EXD3: variants seen among roughly 807,000 people sequenced by gnomAD.
EXD3 encodes the protein exonuclease mut-7 homolog.
In EXD3, 92 loss-of-function variants were observed where a neutral mutation model predicts 98.0. That is an observed-to-expected ratio of 0.94 (90% CI 0.79 to 1.12). The LOEUF is 1.12. Ranked by LOEUF, EXD3 falls within the 50% of genes most tolerant of loss-of-function variation. EXD3 has a pLI of 0.00. For synonymous variants in EXD3, 569 were observed against 526.0 expected (o/e 1.08, Z -1.12); for missense variants, 1,222 against 1,191.6 (o/e 1.03, Z -0.38).
rs556783460 is a variant in EXD3 at position 137,346,625 on chromosome 9, T to C, written c.1998+1446A>G. The stretch of plus-strand genomic sequence containing the variant: ...TGCATTTACCAGCATCCCACCTCTA[T>C]TTCTGAACCTTCGACACTTTTAATG... On this transcript the variant is annotated intron_variant, in intron 17 of 21. Transcript: ENST00000340951. 5.1e-4 allele frequency among the ~76,000 whole-genome samples: 78 copies of C among 152,080 alleles called. 1 individual carries two copies. The highest frequency in any genetic ancestry group is 9.3e-4 in the Non-Finnish European group (63 of 67,796).
In EXD3 at chr9:137,371,719, C is replaced by A. The variant is rs572277935; in HGVS notation, c.462+1186G>T. On this transcript the variant is annotated intron_variant, in intron 5 of 21. Coordinates refer to ENST00000340951, the MANE Select transcript of EXD3 (RefSeq NM_017820.5). The surrounding 1 kb of genome is among the most constrained non-coding windows in gnomAD (Gnocchi z 8.0). Reference sequence around the variant, plus strand: ...GGGCTGGGCACCCCCAGGCAGGACACCCCTGGGCCAAGCACCCCCGGGCCG... The same window carrying A: ...GGGCTGGGCACCCCCAGGCAGGACAACCCTGGGCCAAGCACCCCCGGGCCG... Among the ~76,000 whole-genome samples the A allele has an allele frequency of 2.6e-5, 4 of 151,728 alleles. No homozygotes were observed. The East Asian group carries it at 5.8e-4, about 22-fold the overall frequency.
At chr9:137,365,847 C>T (rs1419277508) in intron 7 of EXD3, 3 of 356,588 alleles carry the variant, frequency 8.4e-6, no homozygotes, top group Admixed American at 3.7e-5. Flanking sequence ...CCTGCACAAA[C>T]GAACACAATG....
At chr9:137,366,164 A>G (rs1564516266) in intron 7 of EXD3, 1 of 701,088 alleles carries the variant, frequency 1.4e-6, no homozygotes, top group Non-Finnish European at 2.6e-6. Context: ...AAACTTTATT[A>G]GATGAAAGAA....
intron 1 of EXD3, among the ~76,000 whole-genome samples, chr9:137,410,907 G>A (rs549674635): frequency 6.6e-6 from 1 of 152,254 alleles, no homozygotes; most frequent in African/African-American, 2.4e-5. Context: ...CCCGGCCTCA[G>A]TGCTTTCCCA....
intron 7 of EXD3, among the ~76,000 whole-genome samples, chr9:137,361,811 G>C (rs1835008883): frequency 6.6e-6 from 1 of 150,700 alleles, no homozygotes; most frequent in Non-Finnish European, 1.5e-5. Flanking sequence ...AATGTGATGA[G>C]TAGAAACTGA....
chr9:137,341,359 C>G (rs1833646233), intron 17 of EXD3, among the ~76,000 whole-genome samples: 1 of 152,194 alleles, frequency 6.6e-6, no homozygotes, highest in Admixed American at 6.5e-5. Context: ...TAAGGGTCCC[C>G]AAGATCATCC....
At position 137,349,854 on chromosome 9, in the gene EXD3, T is replaced by C. The variant is rs1054995536; in HGVS notation, c.1495-323A>G. Among the ~76,000 whole-genome samples, 3 of 152,026 alleles carry C rather than the reference T, an allele frequency of 2.0e-5. No homozygotes were observed. The highest frequency in any genetic ancestry group is 2.9e-5 in the Non-Finnish European group (2 of 67,986). ...GCCAGCTCTCTGTCTCTGTTTTATC[T>C]TCAGAAGAGGAGCACTGGGTGTGCC... On this transcript the variant is annotated intron_variant, in intron 14 of 21. Coordinates refer to ENST00000340951, the MANE Select transcript of EXD3 (RefSeq NM_017820.5). The surrounding 1 kb of genome is among the most constrained non-coding windows in gnomAD (Gnocchi z 7.4).
At chr9:137,354,292 G>T in intron 10 of EXD3, 47 bp downstream of exon 10, 3 of 1,605,294 alleles carry the variant, frequency 1.9e-6, no homozygotes, top group Non-Finnish European at 2.5e-6. Flanking sequence ...CCCTAGGACA[G>T]CCGCCCAGGC....
chr9:137,391,464 G>C (rs985173936), intron 2 of EXD3, among the ~76,000 whole-genome samples: 1 of 152,222 alleles, frequency 6.6e-6, no homozygotes, highest in African/African-American at 2.4e-5. Context: ...CCATTGTCCG[G>C]AGCCCAGCAA....
intron 1 of EXD3, among the ~76,000 whole-genome samples, chr9:137,416,390 C>T (rs558315466): frequency 6.6e-6 from 1 of 152,324 alleles, no homozygotes; most frequent in South Asian, 2.1e-4. Context: ...AGGCCGGGCA[C>T]CCCCAGGTCC....
At chr9:137,384,735 T>C (rs1193726138) in intron 2 of EXD3, among the ~76,000 whole-genome samples, 2 of 152,126 alleles carry the variant, frequency 1.3e-5, no homozygotes, top group East Asian at 1.9e-4. Context: ...TAAACAGAAA[T>C]GGCCATTTCA....
At chr9:137,398,839 C>A (rs1459722798) in intron 1 of EXD3, among the ~76,000 whole-genome samples, 4 of 142,262 alleles carry the variant, frequency 2.8e-5, no homozygotes, top group South Asian at 2.3e-4. Context: ...CACACGTGCA[C>A]CCGCATCCCC....
chr9:137,336,297 T>G (rs919843058), intron 17 of EXD3, among the ~76,000 whole-genome samples: 1 of 152,214 alleles, frequency 6.6e-6, no homozygotes, highest in Non-Finnish European at 1.5e-5. Flanking sequence ...TTGAAATATA[T>G]GAAACATAAA....
At chr9:137,378,460 C>T (rs1197851789) in intron 3 of EXD3, among the ~76,000 whole-genome samples, 1 of 152,168 alleles carries the variant, frequency 6.6e-6, no homozygotes, top group Non-Finnish European at 1.5e-5. Flanking sequence ...ATCCTATCAC[C>T]TCAGCCTCCT....
chr9:137,354,659 C>G (rs1243893462), intron 9 of EXD3, 41 bp downstream of exon 9: 2 of 1,606,608 alleles, frequency 1.2e-6, no homozygotes, highest in Non-Finnish European at 1.7e-6. Context: ...GTGGCTCAGG[C>G]CGCGGCTGGC....
chr9:137,411,490 C>T (rs1199855072), intron 1 of EXD3, among the ~76,000 whole-genome samples: 5 of 151,756 alleles, frequency 3.3e-5, no homozygotes, highest in African/African-American at 7.3e-5. Context: ...GCCCCTCCCT[C>T]GAAGCTTCGC....
intron 17 of EXD3, among the ~76,000 whole-genome samples, chr9:137,338,773 G>A (rs1833500762): frequency 6.7e-6 from 1 of 150,182 alleles, no homozygotes; most frequent in Non-Finnish European, 1.5e-5. Context: ...GGCGCCTGTA[G>A]TCCCAGCTAC....
In EXD3 at chr9:137,385,041, G is replaced by A. The variant is rs1216552447; in HGVS notation, c.56-1664C>T. Among the ~76,000 whole-genome samples the A allele has an allele frequency of 2.0e-5, 3 of 152,126 alleles. No homozygotes were observed. The highest frequency in any genetic ancestry group is 6.5e-5 in the Admixed American group (1 of 15,286). On this transcript the variant is annotated intron_variant, in intron 2 of 21. Transcript: ENST00000340951. This position sits in a 1 kb window ranked among gnomAD's most constrained non-coding sequence, Gnocchi z 4.4. ...CGGGAGGCGGAGGTCGCAGTGAGCC[G>A]AGATCGGGCCACTGCACTCCAGCCT...
intron 2 of EXD3, among the ~76,000 whole-genome samples, chr9:137,387,833 T>C (rs11516134): frequency 0.36 from 54,507 of 152,112 alleles, 13,251 homozygotes; most frequent in African/African-American, 0.7. Context: ...CGTGGATGTT[T>C]GGCCGGAGCT....
Sources: allele counts gnomAD v4.1 joint callset (sites outside exome capture counted in the v4.1 genomes callset), GRCh38; gene constraint gnomAD v4.1.1; non-coding constraint Gnocchi (gnomAD v3.1); transcripts MANE v1.5; gene names NCBI Gene and HGNC (gene_info 2026-07-23, HGNC 2026-07-21).